The following MMD2 variants were observed in gnomAD, a reference collection of about 807,000 sequenced individuals.
The protein encoded by MMD2 is monocyte to macrophage differentiation associated 2, also known as monocyte to macrophage differentiation factor 2.
MMD2 carries 30 observed loss-of-function variants against 33.5 expected under a neutral mutation model. The observed-to-expected ratio is 0.90, with a 90% confidence interval of 0.67 to 1.22. MMD2 has a LOEUF of 1.22. Among genes scored for constraint, MMD2 ranks in the 50% most tolerant of loss-of-function variants. The pLI, the probability that MMD2 is intolerant of heterozygous loss-of-function variation, is 0.00. For missense variants in MMD2, 364 were observed against 325.4 expected (o/e 1.12, Z -0.91); for synonymous variants, 129 against 123.0 (o/e 1.05, Z -0.32).
At position 4,911,257 on chromosome 7, in the gene MMD2, A is replaced by T. The variant is rs756324256; in HGVS notation, c.366-11T>A. 11 of 1,571,090 alleles carry T rather than the reference A, an allele frequency of 7.0e-6. 1 individual carries two copies. The South Asian group carries it at 1.3e-4, about 18-fold the overall frequency. On this transcript the variant is annotated splice_polypyrimidine_tract_variant and intron_variant, in intron 4 of 6. Transcript: ENST00000401401. ...TCCCGAAGGTTCAGCCTGGGAGAGA[A>T]AGAGCCAAGGCCATGGCCCTGAGGG...
Position 4,940,360 on chromosome 7 carries a change from A to G in MMD2, c.48-14828T>C, listed in dbSNP as rs1785872542. ...GAAAGAAGCCTGACCCCTTTCATGA[A>G]TGAGCCCGGGCCCCGGAACGCGGCT... On this transcript the variant is annotated intron_variant, in intron 1 of 6. Transcript: ENST00000401401. The surrounding 1 kb of genome is among the most constrained non-coding windows in gnomAD (Gnocchi z 5.0). Among the ~76,000 whole-genome samples, 1 of 152,134 alleles carries G rather than the reference A, an allele frequency of 6.6e-6. No individual in the cohort carries two copies. Among genetic ancestry groups the G allele is most frequent in the African/African-American group, 2.4e-5 (1 of 41,432 alleles).
At chr7:4,910,887 C>A (rs914642369) in intron 5 of MMD2, among the ~76,000 whole-genome samples, 8 of 152,170 alleles carry the variant, frequency 5.3e-5, no homozygotes, top group Non-Finnish European at 1.0e-4. Flanking sequence ...CCTCGTGGAT[C>A]ACTCGGCCTC....
chr7:4,934,429 C>T (rs114081869), intron 1 of MMD2, among the ~76,000 whole-genome samples: 97 of 152,172 alleles, frequency 6.4e-4, no homozygotes, highest in Non-Finnish European at 1.1e-3. Context: ...AAGTGAAATG[C>T]GTAGATAAAA....
intron 4 of MMD2, among the ~76,000 whole-genome samples, chr7:4,912,506 G>A (rs774486576): frequency 6.1e-4 from 92 of 151,000 alleles, no homozygotes; most frequent in Non-Finnish European, 1.1e-3. Flanking sequence ...AGCTTGTAGT[G>A]AGCCAAGATC....
chr7:4,956,774 G>C (rs1046421054), intron 1 of MMD2, among the ~76,000 whole-genome samples: 3 of 152,142 alleles, frequency 2.0e-5, no homozygotes, highest in Non-Finnish European at 2.9e-5. Context: ...ACAGGCCCGG[G>C]CTGGTTGCTG....
chr7:4,910,663 C>T (rs983122316), intron 5 of MMD2, among the ~76,000 whole-genome samples: 1 of 152,018 alleles, frequency 6.6e-6, no homozygotes, highest in African/African-American at 2.4e-5. Flanking sequence ...GAGTCTTGCT[C>T]TGTCGCCCAG....
At position 4,940,003 on chromosome 7, in the gene MMD2, A is replaced by C. The variant is rs2115138144; in HGVS notation, c.48-14471T>G. On this transcript the variant is annotated intron_variant, in intron 1 of 6. Transcript: ENST00000401401. This position sits in a 1 kb window ranked among gnomAD's most constrained non-coding sequence, Gnocchi z 5.0. ...GCAATCCATCTGCCTTGGCCTCCCA[A>C]AGCGCTGGCATTACAGGCGTGAGCC... Among the ~76,000 whole-genome samples the C allele has an allele frequency of 6.6e-6, 1 of 152,240 alleles. No individual in the cohort carries two copies. Among genetic ancestry groups the C allele is most frequent in the Non-Finnish European group, 1.5e-5 (1 of 68,020 alleles).
rs960660633 is a variant in MMD2, at chr7:4,939,123, A to T, written c.48-13591T>A. ...AGACTGAGGCAGGAGAATCACTTGA[A>T]CTAGAGAGATGGAGGTTGCAGTCAG... On this transcript the variant is annotated intron_variant, in intron 1 of 6. Coordinates refer to ENST00000401401, the MANE Select transcript of MMD2 (RefSeq NM_198403.4). Among the ~76,000 whole-genome samples the T allele has an allele frequency of 7.9e-5, 12 of 152,256 alleles. 1 individual carries two copies. The South Asian group carries it at 1.0e-3, about 13-fold the overall frequency.
intron 6 of MMD2, among the ~76,000 whole-genome samples, chr7:4,909,117 G>GA (rs929454052): frequency 2.0e-5 from 3 of 151,880 alleles, no homozygotes; most frequent in Admixed American, 6.6e-5. Context: ...AATATTTAGA[G>GA]AAAAAAAACA....
chr7:4,954,639 G>C (rs1786336035), intron 1 of MMD2, among the ~76,000 whole-genome samples: 2 of 151,924 alleles, frequency 1.3e-5, no homozygotes, highest in African/African-American at 2.4e-5. Context: ...AGCTGGTCTT[G>C]AACTCCCGGA....
intron 1 of MMD2, among the ~76,000 whole-genome samples, chr7:4,951,209 G>C (rs1786233508): frequency 6.6e-6 from 1 of 152,048 alleles, no homozygotes; most frequent in African/African-American, 2.4e-5. Context: ...TGATAACTAT[G>C]ATGGCAGCCT....
chr7:4,898,744 CAAA>C, the MMD2 span, among the ~76,000 whole-genome samples: 2 of 152,092 alleles, frequency 1.3e-5, no homozygotes, highest in Non-Finnish European at 2.9e-5. Flanking sequence ...ATTAAAAATA[CAAA>C]AATTAGCTGG....
At chr7:4,956,679 A>C (rs1225457616) in intron 1 of MMD2, among the ~76,000 whole-genome samples, 1 of 152,172 alleles carries the variant, frequency 6.6e-6, no homozygotes, top group African/African-American at 2.4e-5. Context: ...GAGACCATTT[A>C]GACCAGCTCT....
chr7:4,925,103 G>A (rs768253708), intron 2 of MMD2, among the ~76,000 whole-genome samples: 1 of 152,070 alleles, frequency 6.6e-6, no homozygotes, highest in African/African-American at 2.4e-5. Context: ...GCTAATTTTT[G>A]TAGTTTTAGT....
chr7:4,945,184 CTTTCTTCTT>C (rs1286905239), intron 1 of MMD2, among the ~76,000 whole-genome samples: 8 of 31,668 alleles, frequency 2.5e-4, no homozygotes, highest in African/African-American at 4.6e-4. Context: ...TCCTCTTCCT[CTTTCTTCTT>C]CTTCTTCTTC....
chr7:4,957,227 A>G (rs1786409673), intron 1 of MMD2, among the ~76,000 whole-genome samples: 1 of 151,676 alleles, frequency 6.6e-6, no homozygotes, highest in Non-Finnish European at 1.5e-5. Flanking sequence ...CATACCTGGA[A>G]TCCCAGCTAC....
In MMD2 at chr7:4,940,071, G is replaced by T. The variant is rs572886881; in HGVS notation, c.48-14539C>A. Among the ~76,000 whole-genome samples, 2 of 152,268 alleles carry T rather than the reference G, an allele frequency of 1.3e-5. No homozygotes were observed. The highest frequency in any genetic ancestry group is 3.9e-4 in the East Asian group (2 of 5,176). ...CTATTTCTATAAATTTCAAGAACAG[G>T]CAGCGCAGGTCTGTTGAAGGTCCGA... On this transcript the variant is annotated intron_variant, in intron 1 of 6. Transcript: ENST00000401401. This position sits in a 1 kb window ranked among gnomAD's most constrained non-coding sequence, Gnocchi z 5.0.
At chr7:4,958,034 C>A (rs1055484973) in intron 1 of MMD2, among the ~76,000 whole-genome samples, 1 of 152,180 alleles carries the variant, frequency 6.6e-6, no homozygotes, top group Non-Finnish European at 1.5e-5. Flanking sequence ...ACTCACCACC[C>A]ACTGGAGCCT....
chr7:4,898,935 A>C, the MMD2 span, among the ~76,000 whole-genome samples: 3 of 151,824 alleles, frequency 2.0e-5, no homozygotes, highest in Non-Finnish European at 2.9e-5. Flanking sequence ...GGAAGGAAGG[A>C]AGGAAGCAAG....
Sources: gnomAD v4.1 joint callset for allele counts (sites outside exome capture counted in the v4.1 genomes callset) on GRCh38, gnomAD v4.1.1 for gene constraint, Gnocchi (gnomAD v3.1) non-coding constraint, MANE v1.5 for transcripts, NCBI Gene and HGNC (gene_info 2026-07-23, HGNC 2026-07-21) for gene names.